HEXD: variants seen among roughly 807,000 people sequenced by gnomAD.
HEXD encodes the protein N-acetyl-beta-galactosaminidase.
HEXD carries 47 observed loss-of-function variants against 54.2 expected under a neutral mutation model. That is an observed-to-expected ratio of 0.87 (90% CI 0.69 to 1.11). The LOEUF (loss-of-function observed/expected upper bound fraction) is 1.11, where lower values mean the gene tolerates loss of function less well. Ranked by LOEUF, HEXD falls within the 50% of genes least tolerant of loss-of-function variation. The pLI is 0.00. For synonymous variants in HEXD, 293 were observed against 287.6 expected, an observed-to-expected ratio of 1.02 and a Z score of -0.19; for missense variants, 576 against 649.2, an observed-to-expected ratio of 0.89 and a Z score of 1.23.
rs768019497 is a variant in HEXD, at chr17:82,441,057, A to C, written c.1043A>C (p.Glu348Ala). 2 of 1,613,598 alleles carry C rather than the reference A, an allele frequency of 1.2e-6. No individual in the cohort carries two copies. The highest frequency in any genetic ancestry group is 3.3e-5 in the Admixed American group (2 of 60,024). The change falls in exon 10 of 13, where the codon GAA (glutamate) becomes GCA (alanine). Residue 348 changes from glutamate (E) to alanine (A), a missense_variant. Physicochemically the swap from Glu to Ala is moderately radical, Grantham distance 107. Coordinates refer to ENST00000327949, the MANE Select transcript of HEXD (RefSeq NM_001330542.2). ...AACCTTCTCGGGATTTCCAGCCTGG[A>C]AAAAACGGACCCTGTTAGGCAAGCA... The part of the protein sequence containing the change: ...VENLLGISSL[E>A]KTDPVREGAG...
At chr17:82,420,050 T>A in intron 2 of HEXD, 167 bp downstream of exon 2, 2 of 376,430 alleles carry the variant, frequency 5.3e-6, no homozygotes, top group Admixed American at 4.7e-5. Context: ...CCATAGCCTC[T>A]CACAAAAACA....
At chr17:82,428,443 G>C (rs2053482664) in intron 3 of HEXD, 115 bp from the exon 4 acceptor site, 2 of 799,690 alleles carry the variant, frequency 2.5e-6, no homozygotes, top group Admixed American at 4.1e-5. Flanking sequence ...GGAGTTTAGG[G>C]CCTTACTGTT....
chr17:82,428,404 C>T (rs1323648435), intron 3 of HEXD, among the ~76,000 whole-genome samples, 154 bp from the exon 4 acceptor site: 1 of 152,190 alleles, frequency 6.6e-6, no homozygotes, highest in Non-Finnish European at 1.5e-5. Context: ...GGTACCTTTC[C>T]AGAAATCAGG....
chr17:82,424,349 C>A, intron 2 of HEXD, 45 bp from the exon 3 acceptor site: 1 of 1,320,894 alleles, frequency 7.6e-7, no homozygotes, highest in Non-Finnish European at 1.1e-6. Flanking sequence ...CCACATCGTG[C>A]TCCAGCAGCC....
In HEXD at chr17:82,437,602, A is replaced by G. The variant is rs150110082; in HGVS notation, c.899+239A>G. On this transcript the variant is annotated intron_variant, in intron 8 of 12. Transcript: ENST00000327949. ...ACACGTGGCCCCCAGCCCCCATGCTACCCGTGTGCGCCGCACCTGAGGCTG... is the reference window on the plus strand; with the variant it reads ...ACACGTGGCCCCCAGCCCCCATGCTGCCCGTGTGCGCCGCACCTGAGGCTG... Among the ~76,000 whole-genome samples, 739 of 149,396 alleles carry G rather than the reference A, an allele frequency of 4.9e-3. 3 individuals are homozygous for G. Among genetic ancestry groups the G allele is most frequent in the African/African-American group, 0.017 (690 of 40,366 alleles).
In HEXD at chr17:82,433,113, TA is replaced by T. The variant is rs1567890512; in HGVS notation, c.283-544del. Among the ~76,000 whole-genome samples the T allele has an allele frequency of 1.0e-3, 16 of 15,670 alleles. 2 individuals carry two copies. The highest frequency in any genetic ancestry group is 4.5e-3 in the African/African-American group (12 of 2,642). 10.3% of individuals were successfully genotyped at this position (15,670 alleles called of 152,430 possible). A position where few individuals can be genotyped will look rare whatever the true frequency, so the allele number is the denominator to read the frequency against. On this transcript the variant is annotated intron_variant, in intron 4 of 12. Transcript: ENST00000327949. ...AAAAATATATATATATATATATATA[TA>T]TATATATATATATATTTTTTTTTTT...
intron 2 of HEXD, chr17:82,420,457 G>A (rs1299057411): frequency 6.6e-6 from 1 of 152,304 alleles, no homozygotes; most frequent in African/African-American, 2.4e-5. Flanking sequence ...AAGCAAGGAA[G>A]GGTCCTCCTC....
chr17:82,425,663 A>G (rs547586025), intron 3 of HEXD: 1 of 152,534 alleles, frequency 6.6e-6, no homozygotes, highest in Non-Finnish European at 1.5e-5. Context: ...AAAAAGGCCA[A>G]TAAGCATATA....
Position 82,442,366 on chromosome 17 carries a change from C to T in HEXD, c.1443C>T (p.Asp481=), listed in dbSNP as rs369040033. The change falls in exon 13 of 13, where the codon GAC becomes GAT. Residue 481 remains aspartate, a synonymous_variant. Transcript: ENST00000327949. The surrounding 1 kb of genome is among the most constrained non-coding windows in gnomAD (Gnocchi z 6.8). Reference sequence around the variant, plus strand: ...TGCCACCCACCAGCCCTGGCAGGGACGTTGCTCAGGACCCCTGAGGGGAGA... The same window carrying T: ...TGCCACCCACCAGCCCTGGCAGGGATGTTGCTCAGGACCCCTGAGGGGAGA... The part of the protein sequence containing the change: ...PPLPPTSPGR[D]VAQDP 90 of 1,610,872 alleles carry T rather than the reference C, an allele frequency of 5.6e-5. No homozygotes were observed. The African/African-American group carries it at 9.1e-4, about 16-fold the overall frequency.
At chr17:82,439,739 C>A in intron 9 of HEXD, 26 bp downstream of exon 9, 11 of 1,598,960 alleles carry the variant, frequency 6.9e-6, no homozygotes, top group South Asian at 1.1e-5. Context: ...CCACCCCAAG[C>A]CCCACCGGCC....
chr17:82,440,962 G>GC (rs761339367), intron 9 of HEXD, 35 bp from the exon 10 acceptor site: 2 of 1,612,188 alleles, frequency 1.2e-6, no homozygotes, highest in East Asian at 4.5e-5. Flanking sequence ...TCCTCCAGAG[G>GC]CCCCTCCAAC....
intron 9 of HEXD, chr17:82,440,378 G>A (rs2053897951): frequency 8.9e-7 from 1 of 1,127,450 alleles, no homozygotes; most frequent in Non-Finnish European, 1.1e-6. Flanking sequence ...CTCAGTTGCT[G>A]ACTCTCAACT....
intron 2 of HEXD, among the ~76,000 whole-genome samples, chr17:82,422,928 G>T (rs1567882071): frequency 6.6e-6 from 1 of 151,932 alleles, no homozygotes; most frequent in Non-Finnish European, 1.5e-5. Context: ...GTGGTGTCAG[G>T]TGCCTGTAAT....
At position 82,442,524 on chromosome 17, in the gene HEXD, C is replaced by T. The variant is rs749628017; in HGVS notation, c.*140C>T. The stretch of plus-strand genomic sequence containing the variant: ...TTGCCCACACTCAGTTCCTGAGGGC[C>T]CTGGGCAGCCCCTGGGGGAGAGACT... On this transcript the variant is annotated 3_prime_UTR_variant, in exon 13 of 13. Coordinates refer to ENST00000327949, the MANE Select transcript of HEXD (RefSeq NM_001330542.2). The surrounding 1 kb of genome is among the most constrained non-coding windows in gnomAD (Gnocchi z 6.8). 3 of 1,591,390 alleles carry T rather than the reference C, an allele frequency of 1.9e-6. No individual in the cohort carries two copies. The highest frequency in any genetic ancestry group is 2.6e-6 in the Non-Finnish European group (3 of 1,161,522).
intron 4 of HEXD, among the ~76,000 whole-genome samples, chr17:82,431,610 T>G (rs1168170733): frequency 1.3e-5 from 2 of 152,054 alleles, no homozygotes; most frequent in Non-Finnish European, 2.9e-5. Flanking sequence ...GACGGGGTTT[T>G]GCCATGTTGG....
intron 4 of HEXD, among the ~76,000 whole-genome samples, chr17:82,432,415 G>C (rs916628360): frequency 6.6e-6 from 1 of 152,094 alleles, no homozygotes; most frequent in Non-Finnish European, 1.5e-5. Context: ...CCCCCACAAG[G>C]GGTGGGTTTT....
At chr17:82,429,409 G>A (rs997954117) in intron 4 of HEXD, among the ~76,000 whole-genome samples, 7 of 152,040 alleles carry the variant, frequency 4.6e-5, no homozygotes, top group East Asian at 3.9e-4. Context: ...CACACACCGC[G>A]GGTAAGAAGG....
intron 4 of HEXD, 54 bp downstream of exon 4, chr17:82,428,699 C>T (rs756154565): frequency 1.1e-5 from 16 of 1,466,336 alleles, no homozygotes; most frequent in Non-Finnish European, 1.5e-5. Flanking sequence ...CCAGGGGCTG[C>T]AGGCTGGGCC....
chr17:82,432,352 C>T (rs1033880422), intron 4 of HEXD, among the ~76,000 whole-genome samples: 1 of 152,034 alleles, frequency 6.6e-6, no homozygotes. Flanking sequence ...ACTGCACCCT[C>T]TGGCAAGCGG....
Sources: allele counts gnomAD v4.1 joint callset (sites outside exome capture counted in the v4.1 genomes callset), GRCh38; gene constraint gnomAD v4.1.1; non-coding constraint Gnocchi (gnomAD v3.1); transcripts MANE v1.5; gene names NCBI Gene and HGNC (gene_info 2026-07-23, HGNC 2026-07-21).